Variants in NID1 observed in about 807,000 individuals in gnomAD.
NID1 encodes the protein nidogen-1.
NID1 carries 76 observed loss-of-function variants against 130.6 expected under a neutral mutation model. That is an observed-to-expected ratio of 0.58 (90% CI 0.48 to 0.70). The LOEUF is 0.70. Among genes scored for constraint, NID1 ranks in the 30% least tolerant of loss-of-function variants. The probability of loss-of-function intolerance (pLI) is 0.00; values close to 1 mark genes in which losing one functional copy is unlikely to be tolerated. For missense variants in NID1, 1,517 were observed against 1,664.8 expected (o/e 0.91, Z 1.54); for synonymous variants, 665 against 675.1 (o/e 0.98, Z 0.23).
chr1:236,047,115 C>A (rs1044859329), intron 2 of NID1, among the ~76,000 whole-genome samples: 1 of 148,512 alleles, frequency 6.7e-6, no homozygotes, highest in African/African-American at 2.6e-5. Context: ...TGTCTCAAAA[C>A]AAAAACAAAA....
intron 12 of NID1, among the ~76,000 whole-genome samples, chr1:235,997,039 G>C (rs183911909): frequency 6.6e-6 from 1 of 152,074 alleles, no homozygotes; most frequent in Admixed American, 6.6e-5. Flanking sequence ...TCACCATGTT[G>C]GTCAGGCTGG....
At chr1:235,988,557 A>T (rs185918438) in intron 14 of NID1, among the ~76,000 whole-genome samples, 35 of 152,330 alleles carry the variant, frequency 2.3e-4, no homozygotes, top group African/African-American at 7.9e-4. Context: ...TAAAGCAGGG[A>T]CTCGAACAGA....
intron 13 of NID1, 52 bp downstream of exon 13, chr1:235,993,593 C>A: frequency 7.0e-7 from 1 of 1,430,406 alleles, no homozygotes; most frequent in East Asian, 2.5e-5. Flanking sequence ...CAATTCCGGT[C>A]CCCCGAGGTC....
In NID1 at chr1:235,979,244, C is replaced by A; in HGVS notation, c.3510-137G>T. 1 of 642,994 alleles carries A rather than the reference C, an allele frequency of 1.6e-6. No individual in the cohort carries two copies. 39.8% of individuals were successfully genotyped at this position (642,994 alleles called of 1,614,324 possible). A position where few individuals can be genotyped will look rare whatever the true frequency, so the allele number is the denominator to read the frequency against. ...CATGATGGCCTTCTTCCTAGACATC[C>A]CTTCCTTCCCCTGGGGTGGGTCAAG... On this transcript the variant is annotated intron_variant, in intron 18 of 19. Coordinates refer to ENST00000264187, the MANE Select transcript of NID1 (RefSeq NM_002508.3). This position sits in a 1 kb window ranked among gnomAD's most constrained non-coding sequence, Gnocchi z 4.6.
intron 5 of NID1, among the ~76,000 whole-genome samples, chr1:236,037,416 G>C (rs752817078): frequency 1.3e-5 from 2 of 152,168 alleles, no homozygotes; most frequent in Non-Finnish European, 2.9e-5. Flanking sequence ...CCAACATTTC[G>C]GGAGGCCGAG....
chr1:235,996,841 C>CT (rs1558425959), intron 12 of NID1, among the ~76,000 whole-genome samples: 1 of 151,386 alleles, frequency 6.6e-6, no homozygotes, highest in African/African-American at 2.4e-5. Context: ...GACTCCTGTG[C>CT]TTTTTTTTCT....
At chr1:236,062,819 C>T (rs1043990850) in intron 1 of NID1, among the ~76,000 whole-genome samples, 5 of 152,010 alleles carry the variant, frequency 3.3e-5, no homozygotes, top group African/African-American at 7.3e-5. Context: ...ACCTGAACTG[C>T]CCTTGGATCC....
intron 12 of NID1, among the ~76,000 whole-genome samples, chr1:236,008,204 C>CACTA (rs1216650174): frequency 6.6e-6 from 1 of 152,182 alleles, no homozygotes; most frequent in Non-Finnish European, 1.5e-5. Flanking sequence ...AACAGCAAGC[C>CACTA]ACTAAACTAA....
At chr1:235,995,054 C>A (rs1391238606) in intron 12 of NID1, among the ~76,000 whole-genome samples, 1 of 152,198 alleles carries the variant, frequency 6.6e-6, no homozygotes, top group East Asian at 1.9e-4. Flanking sequence ...CTAAACTGTA[C>A]AACTCAGATC....
intron 5 of NID1, among the ~76,000 whole-genome samples, chr1:236,035,599 CA>C (rs1410236750): frequency 6.6e-6 from 1 of 151,612 alleles, no homozygotes; most frequent in Non-Finnish European, 1.5e-5. Flanking sequence ...AACTAGTTTA[CA>C]GTCCCACCAA....
intron 12 of NID1, among the ~76,000 whole-genome samples, chr1:236,002,775 G>A (rs1658118845): frequency 1.3e-5 from 2 of 152,164 alleles, no homozygotes; most frequent in Non-Finnish European, 2.9e-5. Context: ...CGCGGATTTG[G>A]AAACGAGGCC....
rs369171027 is a variant in NID1 at position 236,015,313 on chromosome 1, G to A, written c.2255-1753C>T. Among the ~76,000 whole-genome samples, 13 of 152,286 alleles carry A rather than the reference G, an allele frequency of 8.5e-5. 1 individual carries two copies. The East Asian group carries it at 1.7e-3, about 20-fold the overall frequency. On this transcript the variant is annotated intron_variant, in intron 10 of 19. Coordinates refer to ENST00000264187, the MANE Select transcript of NID1 (RefSeq NM_002508.3). ...AGTGAGCCTTCTCTCTGCGCAGTGA[G>A]TCTCAAAGGAGCCAATTAAAAGGGG...
intron 12 of NID1, among the ~76,000 whole-genome samples, chr1:236,003,648 T>C (rs748628022): frequency 2.0e-4 from 30 of 152,130 alleles, no homozygotes; most frequent in Non-Finnish European, 4.1e-4. Context: ...GGTGGGCAGA[T>C]CACTTGAGGC....
At chr1:236,044,174 G>C (rs144028276) in intron 3 of NID1, among the ~76,000 whole-genome samples, 2,558 of 152,248 alleles carry the variant, frequency 0.017, 27 homozygotes, top group Middle Eastern at 0.048. Flanking sequence ...CAATTTGTCT[G>C]CCTGGGATTC....
At chr1:236,064,684 G>A (rs1221421929) in intron 1 of NID1, 171 bp downstream of exon 1, 2 of 660,666 alleles carry the variant, frequency 3.0e-6, no homozygotes, top group Admixed American at 2.3e-5. Context: ...ACCGGGTCGG[G>A]AAGACCTTCG....
intron 1 of NID1, among the ~76,000 whole-genome samples, chr1:236,058,898 T>C (rs940185543): frequency 6.6e-6 from 1 of 152,160 alleles, no homozygotes; most frequent in Non-Finnish European, 1.5e-5. Context: ...GCAAACTCCA[T>C]GGGTGAGAGG....
chr1:236,025,879 G>A lies in NID1; in HGVS notation c.1984+17C>T, dbSNP rs766650474. On this transcript the variant is annotated intron_variant, in intron 8 of 19. Transcript: ENST00000264187. ...ATGCATGAGCACCTGTGCCCAGCAT[G>A]AGCTGTATCCCCTTACCCCTCACAG... 1.1e-5 allele frequency: 17 copies of A among 1,611,204 alleles called. No homozygotes were observed. Among genetic ancestry groups the A allele is most frequent in the African/African-American group, 1.3e-5 (1 of 74,870 alleles).
intron 1 of NID1, 78 bp downstream of exon 1, chr1:236,064,777 A>T: frequency 7.1e-7 from 1 of 1,406,992 alleles, no homozygotes; most frequent in Non-Finnish European, 9.8e-7. Context: ...TGCTACGCCC[A>T]AGTCCGTCCG....
intron 3 of NID1, among the ~76,000 whole-genome samples, chr1:236,044,374 C>T (rs1213255091): frequency 6.6e-6 from 1 of 152,100 alleles, no homozygotes. Flanking sequence ...TATTCTAATC[C>T]TTTTGCTACT....
Sources: gnomAD v4.1 joint callset for allele counts (sites outside exome capture counted in the v4.1 genomes callset) on GRCh38, gnomAD v4.1.1 for gene constraint, Gnocchi (gnomAD v3.1) non-coding constraint, MANE v1.5 for transcripts, NCBI Gene and HGNC (gene_info 2026-07-23, HGNC 2026-07-21) for gene names.